The following CPAMD8 variants were observed in gnomAD, a reference collection of about 807,000 sequenced individuals.
CPAMD8 encodes the protein C3 and PZP-like alpha-2-macroglobulin domain-containing protein 8.
Under a neutral mutation model 224.7 loss-of-function variants are expected in CPAMD8, and 146 were observed. The observed-to-expected ratio is 0.65, with a 90% confidence interval of 0.57 to 0.75. The LOEUF is 0.75. CPAMD8 is among the 30% of genes least tolerant of loss of function. The pLI is 0.00. For missense variants in CPAMD8, 2,301 were observed against 2,537.5 expected, an observed-to-expected ratio of 0.91 and a Z score of 2.00; for synonymous variants, 966 against 1,044.6, an observed-to-expected ratio of 0.92 and a Z score of 1.45.
Position 16,901,197 on chromosome 19 carries a change from G to T in CPAMD8, c.4773+13C>A. The T allele has an allele frequency of 6.3e-7, 1 of 1,591,238 alleles. No individual in the cohort carries two copies. ...AGATCCCTGCCCACCGCTGCTCACC[G>T]GCGCTGCCTCACCTGCTCCAGGCTC... On this transcript the variant is annotated intron_variant, in intron 36 of 41. Coordinates refer to ENST00000443236, the MANE Select transcript of CPAMD8 (RefSeq NM_015692.5).
intron 3 of CPAMD8, 41 bp downstream of exon 3, chr19:17,020,290 T>G: frequency 6.7e-7 from 1 of 1,500,758 alleles, no homozygotes; most frequent in African/African-American, 1.4e-5. Flanking sequence ...AATTCTTTAT[T>G]TCCAAGGTCA....
intron 9 of CPAMD8, 37 bp downstream of exon 9, chr19:17,002,229 G>T: frequency 7.3e-7 from 1 of 1,370,944 alleles, no homozygotes; most frequent in Non-Finnish European, 1.0e-6. Flanking sequence ...AAGGGGAAGG[G>T]CCCCCCCAGT....
At chr19:16,905,138 G>A (rs2052420004) in intron 30 of CPAMD8, among the ~76,000 whole-genome samples, 1 of 152,124 alleles carries the variant, frequency 6.6e-6, no homozygotes, top group Admixed American at 6.5e-5. Context: ...CTACTCAGGA[G>A]GCTGAGGCAG....
chr19:16,981,550 TCAAACTCAGGGGAACTGATGCTAAGGC>T (rs2055516449), intron 13 of CPAMD8, among the ~76,000 whole-genome samples: 1 of 152,038 alleles, frequency 6.6e-6, no homozygotes, highest in Admixed American at 6.6e-5. Flanking sequence ...AGGGCAGGAT[TCAAACTCAGGGGAACTGATGCTAAGGC>T]CCCACATTGA....
intron 20 of CPAMD8, among the ~76,000 whole-genome samples, chr19:16,947,987 C>CAT (rs2054162276): frequency 6.6e-6 from 1 of 152,120 alleles, no homozygotes; most frequent in South Asian, 2.1e-4. Context: ...TGTACATGTG[C>CAT]ATATGTATAC....
chr19:16,896,460 G>A lies in CPAMD8; in HGVS notation c.5271C>T (p.Ala1757=). Residue 1757 remains alanine (A), a synonymous_variant, in exon 40 of 42, where the codon GCC becomes GCT. Coordinates refer to ENST00000443236, the MANE Select transcript of CPAMD8 (RefSeq NM_015692.5). Reference sequence around the variant, plus strand: ...GGCGGGGGGTAGGGTCCTCACCGAGGGCGCAGCAGCTGGGAGGCGCGGGCT... The same window carrying A: ...GGCGGGGGGTAGGGTCCTCACCGAGAGCGCAGCAGCTGGGAGGCGCGGGCT... The part of the protein sequence containing the change: ...PLEPAPPSCC[A]LEQRLPASSS... 1 of 1,448,144 alleles carries A rather than the reference G, an allele frequency of 6.9e-7. No individual in the cohort carries two copies. The allele number at this position is 1,448,144 out of a possible 1,614,324, so 89.7% of individuals were successfully genotyped here.
At chr19:16,989,201 GC>G (rs1868876123) in intron 13 of CPAMD8, among the ~76,000 whole-genome samples, 1 of 152,112 alleles carries the variant, frequency 6.6e-6, no homozygotes, top group African/African-American at 2.4e-5. Context: ...CATCCCCCGT[GC>G]CCGTGCCCCC....
intron 3 of CPAMD8, among the ~76,000 whole-genome samples, chr19:17,019,676 C>A (rs2056901574): frequency 6.6e-6 from 1 of 151,942 alleles, no homozygotes; most frequent in Non-Finnish European, 1.5e-5. Context: ...CTACCTCAGC[C>A]TCCCAAGTGG....
intron 29 of CPAMD8, among the ~76,000 whole-genome samples, chr19:16,913,406 G>C (rs1715092881): frequency 6.6e-6 from 1 of 152,016 alleles, no homozygotes; most frequent in African/African-American, 2.4e-5. Flanking sequence ...ATATGAAGAG[G>C]AAGAGCACTA....
intron 13 of CPAMD8, among the ~76,000 whole-genome samples, chr19:16,982,061 G>A (rs1426527669): frequency 6.6e-6 from 1 of 152,150 alleles, no homozygotes; most frequent in Non-Finnish European, 1.5e-5. Flanking sequence ...CTTGAGACCA[G>A]CCTGGGCAAC....
intron 27 of CPAMD8, among the ~76,000 whole-genome samples, chr19:16,915,208 G>GGCCAGCA (rs2052902303): frequency 1.3e-5 from 2 of 151,924 alleles, no homozygotes; most frequent in African/African-American, 4.8e-5. Flanking sequence ...CTCATTCAGG[G>GGCCAGCA]GCCAGCAGCC....
chr19:16,974,232 C>T lies in CPAMD8; in HGVS notation c.2070+865G>A, dbSNP rs975774171. Among the ~76,000 whole-genome samples the T allele has an allele frequency of 9.3e-5, 14 of 151,026 alleles. 1 individual carries two copies. Among genetic ancestry groups the T allele is most frequent in the South Asian group, 4.2e-4 (2 of 4,708 alleles). ...CTGCAAGCTCCGCCTCCCAGGTTCA[C>T]GCCATTCTCCTGCCTCAGCCTCCCG... On this transcript the variant is annotated intron_variant, in intron 17 of 41. Coordinates refer to ENST00000443236, the MANE Select transcript of CPAMD8 (RefSeq NM_015692.5).
At chr19:16,950,086 T>A (rs2054249594) in intron 20 of CPAMD8, among the ~76,000 whole-genome samples, 2 of 151,176 alleles carry the variant, frequency 1.3e-5, no homozygotes, top group Non-Finnish European at 3.0e-5. Context: ...TGGCTTAAGG[T>A]CAGGAGTTCG....
At chr19:16,896,697 C>G (rs756558320) in intron 39 of CPAMD8, 32 bp from the exon 40 acceptor site, 3 of 1,345,434 alleles carry the variant, frequency 2.2e-6, no homozygotes, top group Non-Finnish European at 2.9e-6. Context: ...ACAGACCCCC[C>G]ACCCTGAACC....
At chr19:17,015,273 A>G (rs2123190570) in intron 3 of CPAMD8, among the ~76,000 whole-genome samples, 1 of 152,262 alleles carries the variant, frequency 6.6e-6, no homozygotes, top group Admixed American at 6.5e-5. Flanking sequence ...ATGTAAAAAT[A>G]AAACTATCCA....
intron 19 of CPAMD8, among the ~76,000 whole-genome samples, chr19:16,954,991 G>A (rs1278355414): frequency 1.3e-5 from 2 of 152,216 alleles, no homozygotes; most frequent in African/African-American, 4.8e-5. Context: ...AGCAGGGCAT[G>A]GTGGTGGGCG....
chr19:16,969,873 C>CAAAAAAAAA, intron 18 of CPAMD8, among the ~76,000 whole-genome samples: 1 of 69,850 alleles, frequency 1.4e-5, no homozygotes, highest in Non-Finnish European at 2.7e-5. Flanking sequence ...GGCTCCATCT[C>CAAAAAAAAA]AAAAAAAAAA....
chr19:16,951,461 C>T (rs111372397), intron 20 of CPAMD8, among the ~76,000 whole-genome samples: 9 of 152,280 alleles, frequency 5.9e-5, no homozygotes, highest in African/African-American at 2.2e-4. Flanking sequence ...TGGAACACAG[C>T]CATATCTATT....
chr19:16,896,055 A>AG, intron 41 of CPAMD8, 121 bp downstream of exon 41: 1 of 1,035,358 alleles, frequency 9.7e-7, no homozygotes, highest in Non-Finnish European at 1.4e-6. Context: ...TCCCACTGCC[A>AG]GTGGGGGGTC....
Sources: gnomAD v4.1 joint callset for allele counts (sites outside exome capture counted in the v4.1 genomes callset) on GRCh38, gnomAD v4.1.1 for gene constraint, MANE v1.5 for transcripts, NCBI Gene and HGNC (gene_info 2026-07-23, HGNC 2026-07-21) for gene names.